NIF3L1: variants seen among roughly 807,000 people sequenced by gnomAD.
NIF3L1 encodes the protein NIF3-like protein 1.
Under a neutral mutation model 35.0 loss-of-function variants are expected in NIF3L1, and 26 were observed. The observed-to-expected ratio is 0.74, with a 90% CI of 0.54 to 1.03. NIF3L1 has a LOEUF of 1.03. NIF3L1 is among the 50% of genes least tolerant of loss of function. The probability of loss-of-function intolerance (pLI) is 0.00; values close to 1 mark genes in which losing one functional copy is unlikely to be tolerated. For synonymous variants in NIF3L1, 157 were observed against 178.9 expected, an observed-to-expected ratio of 0.88 and a Z score of 0.98; for missense variants, 449 against 466.3, an observed-to-expected ratio of 0.96 and a Z score of 0.34.
intron 1 of NIF3L1, chr2:200,890,392 T>C (rs2040153000): frequency 1.3e-5 from 2 of 152,050 alleles, no homozygotes; most frequent in Non-Finnish European, 2.9e-5. Flanking sequence ...TTCCAAGACC[T>C]CGAGTGGTTT....
At chr2:200,891,696 G>A (rs550475656) in intron 1 of NIF3L1, 1 of 530,984 alleles carries the variant, frequency 1.9e-6, no homozygotes, top group African/African-American at 1.9e-5. Flanking sequence ...AGCTCCTCTG[G>A]ATGGCCTGTG....
chr2:200,891,750 T>C, intron 1 of NIF3L1, 168 bp from the exon 2 acceptor site: 1 of 591,676 alleles, frequency 1.7e-6, no homozygotes, highest in Non-Finnish European at 3.0e-6. Flanking sequence ...GAAAACAAGA[T>C]TGGAGAGGTT....
At chr2:200,893,178 A>T in intron 2 of NIF3L1, 68 bp from the exon 3 acceptor site, 1 of 1,283,226 alleles carries the variant, frequency 7.8e-7, no homozygotes, top group Non-Finnish European at 1.1e-6. Flanking sequence ...TTTGCCTATA[A>T]TAGTTTACTT....
intron 3 of NIF3L1, 78 bp from the exon 4 acceptor site, chr2:200,895,186 G>A (rs2040279585): frequency 1.5e-6 from 2 of 1,355,216 alleles, no homozygotes; most frequent in Non-Finnish European, 2.1e-6. Flanking sequence ...ATCTATTATA[G>A]TAGGTTTGTA....
intron 3 of NIF3L1, among the ~76,000 whole-genome samples, chr2:200,894,574 T>A (rs1284553420): frequency 6.6e-6 from 1 of 151,676 alleles, no homozygotes; most frequent in Non-Finnish European, 1.5e-5. Flanking sequence ...CCGGCTAATT[T>A]TTTTTGTATT....
At chr2:200,896,557 T>G (rs2040318306) in intron 4 of NIF3L1, among the ~76,000 whole-genome samples, 1 of 152,214 alleles carries the variant, frequency 6.6e-6, no homozygotes, top group Non-Finnish European at 1.5e-5. Flanking sequence ...GCTGCAACTG[T>G]AGCACCTACC....
Position 200,893,418 on chromosome 2 carries a change from A to G in NIF3L1, c.599+10A>G, listed in dbSNP as rs752609063. ...CTTCTTTTTCTGCTAGGTACAATTT[A>G]TTTTTCTCTTTTTTTTGTGTGTATT... On this transcript the variant is annotated intron_variant, in intron 3 of 6. Transcript: ENST00000409020. 1 of 1,612,854 alleles carries G rather than the reference A, an allele frequency of 6.2e-7. No homozygotes were observed. Among genetic ancestry groups the G allele is most frequent in the Non-Finnish European group, 8.5e-7 (1 of 1,179,282 alleles).
At chr2:200,892,424 T>G (rs761629222) in intron 2 of NIF3L1, 45 bp downstream of exon 2, 1 of 1,461,844 alleles carries the variant, frequency 6.8e-7, no homozygotes, top group South Asian at 1.3e-5. Flanking sequence ...GCAAATACTT[T>G]GAAACTTTAG....
intron 4 of NIF3L1, 30 bp from the exon 5 acceptor site, chr2:200,897,046 A>G: frequency 6.2e-7 from 1 of 1,610,926 alleles, no homozygotes; most frequent in Non-Finnish European, 8.5e-7. Context: ...CTAACAATGC[A>G]CACCGTTTCT....
At chr2:200,895,475 G>A in intron 4 of NIF3L1, 85 bp downstream of exon 4, 2 of 1,266,268 alleles carry the variant, frequency 1.6e-6, no homozygotes, top group Non-Finnish European at 2.3e-6. Flanking sequence ...GATATACTTA[G>A]GTATATTGAG....
chr2:200,893,944 G>C (rs2040251748), intron 3 of NIF3L1, among the ~76,000 whole-genome samples: 1 of 152,146 alleles, frequency 6.6e-6, no homozygotes, highest in South Asian at 2.1e-4. Context: ...GGAGGCCAAG[G>C]CTGGTGGATC....
At chr2:200,894,302 C>T (rs776584213) in intron 3 of NIF3L1, among the ~76,000 whole-genome samples, 7 of 152,072 alleles carry the variant, frequency 4.6e-5, no homozygotes, top group Admixed American at 6.6e-5. Flanking sequence ...ATCTCTAAGG[C>T]TTTAAAAAAA....
At chr2:200,902,476 G>A (rs142233642) in intron 6 of NIF3L1, among the ~76,000 whole-genome samples, 149 of 152,254 alleles carry the variant, frequency 9.8e-4, no homozygotes, top group African/African-American at 3.3e-3. Context: ...GCTGAGGCAG[G>A]AGAATCACTT....
Position 200,892,349 on chromosome 2 carries a change from G to A in NIF3L1, c.406G>A (p.Gly136Ser). 6.2e-7 allele frequency: 1 copy of A among 1,606,578 alleles called. No individual in the cohort carries two copies. Among genetic ancestry groups the A allele is most frequent in the Non-Finnish European group, 8.5e-7 (1 of 1,177,100 alleles). The change falls in exon 2 of 7, where the codon GGC becomes AGC. Residue 136 changes from glycine to serine, a missense_variant. Transcript: ENST00000409020. ...TACAGCCTATGATGCTGCGCCCCAG[G>A]GCGTCAACAACTGGTTGGCTAAAGG... Reference protein sequence around the residue: ...PHTAYDAAPQGVNNWLAKGLG... With the variant: ...PHTAYDAAPQSVNNWLAKGLG...
rs758580511 is a variant in NIF3L1, at chr2:200,903,642, A to G, written c.1098A>G (p.Leu366=). The change falls in exon 7 of 7, where the codon CTA becomes CTG. Residue 366 remains leucine, a synonymous_variant. Coordinates refer to ENST00000409020, the MANE Select transcript of NIF3L1 (RefSeq NM_001369441.2). The part of the protein sequence containing the change: ...SHLENKINII[L]SETDRDPLQV... The stretch of plus-strand genomic sequence containing the variant: ...TGGAGAATAAGATAAATATTATCCT[A>G]TCAGAGACTGACAGGGACCCTCTTC... The G allele has an allele frequency of 1.2e-6, 2 of 1,613,614 alleles. No homozygotes were observed. The highest frequency in any genetic ancestry group is 3.3e-5 in the Admixed American group (2 of 60,008).
chr2:200,895,628 A>G (rs1238729805), intron 4 of NIF3L1, among the ~76,000 whole-genome samples: 1 of 152,220 alleles, frequency 6.6e-6, no homozygotes, highest in Non-Finnish European at 1.5e-5. Flanking sequence ...ACTGTTATCT[A>G]AAGTACAAAA....
intron 3 of NIF3L1, among the ~76,000 whole-genome samples, chr2:200,893,670 A>T (rs2040246129): frequency 6.6e-6 from 1 of 152,174 alleles, no homozygotes; most frequent in Non-Finnish European, 1.5e-5. Context: ...TAATCCTGGT[A>T]ATGTTCAAAG....
chr2:200,899,660 A>G (rs887930950), intron 6 of NIF3L1, among the ~76,000 whole-genome samples, 192 bp downstream of exon 6: 6 of 152,312 alleles, frequency 3.9e-5, no homozygotes, highest in African/African-American at 1.4e-4. Flanking sequence ...AGTTTATTAC[A>G]TTATCTCAAA....
rs2040427010 is a variant in NIF3L1 at position 200,902,606 on chromosome 2, G to A, written c.950-888G>A. On this transcript the variant is annotated intron_variant, in intron 6 of 6. Transcript: ENST00000409020. ...AATATAAATTAAAAATTCAGAATAT[G>A]AATTTTCCCCAAATCTTTTCACAAC... Among the ~76,000 whole-genome samples the A allele has an allele frequency of 3.3e-5, 5 of 152,138 alleles. No individual in the cohort carries two copies. In the South Asian group the frequency reaches 1.0e-3, roughly 32 times the overall value.
Sources: gnomAD v4.1 joint callset for allele counts (sites outside exome capture counted in the v4.1 genomes callset) on GRCh38, gnomAD v4.1.1 for gene constraint, MANE v1.5 for transcripts, NCBI Gene and HGNC (gene_info 2026-07-23, HGNC 2026-07-21) for gene names.